Variants in ILDR1 observed in about 807,000 individuals in gnomAD.
ILDR1 encodes the protein immunoglobulin like domain containing receptor 1.
Under a neutral mutation model 62.4 loss-of-function variants are expected in ILDR1, and 56 were observed. The ratio of observed to expected loss-of-function variants is 0.90; its 90% CI spans 0.72 to 1.12. The LOEUF is 1.12. Among genes scored for constraint, ILDR1 ranks in the 50% most tolerant of loss-of-function variants. The pLI, the probability that ILDR1 is intolerant of heterozygous loss-of-function variation, is 0.00. For missense variants in ILDR1, 736 were observed against 710.6 expected (o/e 1.04, Z -0.41); for synonymous variants, 284 against 277.8 (o/e 1.02, Z -0.22).
the ILDR1 span, among the ~76,000 whole-genome samples, chr3:122,040,737 G>GAAAAAAAAAAAAAAAAAAAAAAAAAAAA: frequency 8.0e-6 from 1 of 124,810 alleles, no homozygotes; most frequent in Non-Finnish European, 1.7e-5. Context: ...AAAAAAAAAA[G>GAAAAAAAAAAAAAAAAAAAAAAAAAAAA]AAAAAAAAAA....
At chr3:121,992,963 G>A (rs1011801397) in intron 7 of ILDR1, among the ~76,000 whole-genome samples, 187 bp downstream of exon 7, 14 of 152,230 alleles carry the variant, frequency 9.2e-5, no homozygotes, top group African/African-American at 3.4e-4. Flanking sequence ...CCTGCCCTCT[G>A]CACTCGCTTG....
At chr3:122,032,310 C>A in the ILDR1 span, among the ~76,000 whole-genome samples, 61 of 152,262 alleles carry the variant, frequency 4.0e-4, no homozygotes, top group African/African-American at 1.5e-3. Flanking sequence ...AGTTTGTTTT[C>A]ATTTCTGAAT....
the ILDR1 span, among the ~76,000 whole-genome samples, chr3:122,036,996 G>T: frequency 6.6e-6 from 1 of 152,238 alleles, no homozygotes; most frequent in Non-Finnish European, 1.5e-5. Flanking sequence ...CTTCCACATG[G>T]TGTTAGGCCA....
intron 1 of ILDR1, among the ~76,000 whole-genome samples, chr3:122,020,062 A>T (rs2107681228): frequency 6.6e-6 from 1 of 152,344 alleles, no homozygotes; most frequent in East Asian, 1.9e-4. Context: ...TCAGAATTCC[A>T]ACCTGATAAT....
intron 1 of ILDR1, among the ~76,000 whole-genome samples, chr3:122,009,668 G>A (rs766648686): frequency 2.8e-4 from 42 of 152,266 alleles, no homozygotes; most frequent in Admixed American, 7.2e-4. Flanking sequence ...GTTTTCAAAC[G>A]GAGCCACCTT....
chr3:122,019,998 A>T (rs1375338966), intron 1 of ILDR1, among the ~76,000 whole-genome samples: 1 of 152,234 alleles, frequency 6.6e-6, no homozygotes, highest in Non-Finnish European at 1.5e-5. Flanking sequence ...CCTGTTTTCC[A>T]GGCAAAGGCA....
At chr3:122,008,588 CTTTTCT>C (rs1265726022) in intron 1 of ILDR1, among the ~76,000 whole-genome samples, 28 of 66,484 alleles carry the variant, frequency 4.2e-4, no homozygotes, top group African/African-American at 6.9e-4. Flanking sequence ...CTTTTCTTTT[CTTTTCT>C]TTTTTTTTTT....
the ILDR1 span, among the ~76,000 whole-genome samples, chr3:122,053,468 T>A: frequency 6.6e-6 from 1 of 152,186 alleles, no homozygotes; most frequent in East Asian, 1.9e-4. Flanking sequence ...ACTAAATATA[T>A]TAATTAGAAA....
intron 4 of ILDR1, 23 bp from the exon 5 acceptor site, chr3:122,001,477 G>A (rs1263295619): frequency 1.2e-6 from 2 of 1,613,524 alleles, no homozygotes; most frequent in Non-Finnish European, 8.5e-7. Flanking sequence ...AGCCAAGCAG[G>A]GGTTGAACTA....
At chr3:122,060,770 A>G in the ILDR1 span, among the ~76,000 whole-genome samples, 2 of 152,232 alleles carry the variant, frequency 1.3e-5, no homozygotes, top group African/African-American at 4.8e-5. Flanking sequence ...TTGAGTGCAC[A>G]TAACATACAG....
chr3:122,055,995 C>A, the ILDR1 span, among the ~76,000 whole-genome samples: 1 of 152,028 alleles, frequency 6.6e-6, no homozygotes, highest in African/African-American at 2.4e-5. Context: ...AGATTCTGGG[C>A]AGGGTTGGGT....
At chr3:122,045,870 C>A in the ILDR1 span, among the ~76,000 whole-genome samples, 1 of 151,400 alleles carries the variant, frequency 6.6e-6, no homozygotes, top group Non-Finnish European at 1.5e-5. Flanking sequence ...GACTCTTTAT[C>A]CAGTTTGCCA....
At chr3:122,009,884 GC>G (rs1477941387) in intron 1 of ILDR1, among the ~76,000 whole-genome samples, 27 of 152,224 alleles carry the variant, frequency 1.8e-4, no homozygotes, top group African/African-American at 6.0e-4. Context: ...ACAGCAGAAT[GC>G]TGCTCAGGAC....
upstream of ILDR1, chr3:122,022,342 C>T (rs955465416): frequency 3.0e-5 from 12 of 403,792 alleles, no homozygotes; most frequent in Non-Finnish European, 3.9e-5. Context: ...GGGACTGCGG[C>T]CACCTTCCCT....
intron 3 of ILDR1, among the ~76,000 whole-genome samples, chr3:122,002,853 A>G (rs900373262): frequency 2.0e-5 from 3 of 152,148 alleles, no homozygotes; most frequent in Non-Finnish European, 4.4e-5. Context: ...TCCACTTATA[A>G]GATCATCAGG....
At position 121,993,310 on chromosome 3, in the gene ILDR1, C is replaced by G. The variant is rs760020579; in HGVS notation, c.1439G>C (p.Ser480Thr). 6.2e-7 allele frequency: 1 copy of G among 1,612,306 alleles called. No individual in the cohort carries two copies. Among genetic ancestry groups the G allele is most frequent in the South Asian group, 1.1e-5 (1 of 90,988 alleles). Residue 480 changes from serine to threonine, a missense_variant, in exon 7 of 8, where the codon AGC becomes ACC. Transcript: ENST00000344209. ...CTGCCTCTCCTTGTCCTCTTCAGAG[C>G]TCCAGGAACTGAGGCCGGAGGGCAA... is the stretch of plus-strand genomic sequence containing the variant. Reference protein sequence around the residue: ...PPLPSGLSSWSSEEDKERQPQ... With the variant: ...PPLPSGLSSWTSEEDKERQPQ...
the ILDR1 span, among the ~76,000 whole-genome samples, chr3:122,036,329 C>T: frequency 1.3e-5 from 2 of 152,210 alleles, no homozygotes; most frequent in Admixed American, 6.5e-5. Flanking sequence ...GTGGCTCATG[C>T]CTGTAATCCC....
upstream of ILDR1, chr3:122,025,424 AC>A (rs1300733433): frequency 6.6e-6 from 1 of 152,220 alleles, no homozygotes; most frequent in Non-Finnish European, 1.5e-5. Context: ...TCATTAACTT[AC>A]CCAAGCCTAC....
Position 122,005,238 on chromosome 3 carries a change from A to G in ILDR1, c.379+6T>C. The G allele has an allele frequency of 1.0e-6, 1 of 972,322 alleles. No individual in the cohort carries two copies. The highest frequency in any genetic ancestry group is 1.4e-6 in the Non-Finnish European group (1 of 700,972). The allele number at this position is 972,322 out of a possible 1,614,324, so 60.2% of individuals were successfully genotyped here. On this transcript the variant is annotated splice_donor_region_variant and intron_variant, in intron 3 of 7. Transcript: ENST00000344209. ...CCAGTTCCCCTGACACCTCCCCCGC[A>G]CTCACGGTTCTGGATGGTGATCTTG...
Sources: allele counts gnomAD v4.1 joint callset (sites outside exome capture counted in the v4.1 genomes callset), GRCh38; gene constraint gnomAD v4.1.1; transcripts MANE v1.5; gene names NCBI Gene and HGNC (gene_info 2026-07-23, HGNC 2026-07-21).